Variants in MTREX observed in about 807,000 individuals in gnomAD.
MTREX encodes the protein exosome RNA helicase MTR4.
Under a neutral mutation model 135.4 loss-of-function variants are expected in MTREX, and 76 were observed. That is an observed-to-expected ratio of 0.56 (90% CI 0.47 to 0.68). MTREX has a LOEUF of 0.68. MTREX is among the 30% of genes least tolerant of loss of function. The probability of loss-of-function intolerance (pLI) is 0.00; values close to 1 mark genes in which losing one functional copy is unlikely to be tolerated. For synonymous variants in MTREX, 404 were observed against 401.6 expected (o/e 1.01, Z -0.07); for missense variants, 920 against 1,262.1 (o/e 0.73, Z 4.11).
intron 11 of MTREX, among the ~76,000 whole-genome samples, chr5:55,347,731 T>C (rs572783288): frequency 1.1e-4 from 17 of 152,344 alleles, no homozygotes; most frequent in African/African-American, 3.8e-4. Flanking sequence ...CTGAGACTAG[T>C]GCATTTTCAC....
intron 15 of MTREX, among the ~76,000 whole-genome samples, chr5:55,360,799 C>G (rs1749994906): frequency 6.6e-6 from 1 of 152,084 alleles, no homozygotes; most frequent in African/African-American, 2.4e-5. Context: ...GGTGGTTTTA[C>G]TATCATTAAG....
intron 18 of MTREX, among the ~76,000 whole-genome samples, chr5:55,384,649 CTGT>C (rs1750450033): frequency 6.6e-6 from 1 of 152,186 alleles, no homozygotes; most frequent in Non-Finnish European, 1.5e-5. Flanking sequence ...TTGCAGGCCA[CTGT>C]TGTTATTTCC....
At chr5:55,399,941 A>G (rs1750698525) in intron 20 of MTREX, among the ~76,000 whole-genome samples, 1 of 152,248 alleles carries the variant, frequency 6.6e-6, no homozygotes. Context: ...AATATACAAT[A>G]ATGAATTTAG....
At position 55,425,303 on chromosome 5, in the gene MTREX, C is replaced by T. The variant is rs1215255255; in HGVS notation, c.*531C>T. The T allele has an allele frequency of 3.1e-6, 5 of 1,607,532 alleles. No individual in the cohort carries two copies. The African/African-American group carries it at 6.7e-5, about 22-fold the overall frequency. On this transcript the variant is annotated 3_prime_UTR_variant, in exon 27 of 27. Coordinates refer to ENST00000230640, the MANE Select transcript of MTREX (RefSeq NM_015360.5). ...CTCTTTTCTTTCTTTAAAAGAAGTT[C>T]TTTCTTTGAAGAAATCCGATACATA...
At chr5:55,402,235 A>T (rs1175094001) in intron 21 of MTREX, among the ~76,000 whole-genome samples, 1 of 152,218 alleles carries the variant, frequency 6.6e-6, no homozygotes, top group Non-Finnish European at 1.5e-5. Context: ...AAGTGCTGCT[A>T]GGCAGGAAGC....
Position 55,328,790 on chromosome 5 carries a change from C to CG in MTREX, c.497dup (p.Thr168AsnfsTer25), listed in dbSNP as rs1248850863. The stretch of plus-strand genomic sequence containing the variant: ...GTTCTAGTATCTGCACATACCTCAG[C>CG]GGGAAAAACAGTATGCGCCGAGTGA... On this transcript the variant is annotated frameshift_variant, in exon 5 of 27. Coordinates refer to ENST00000230640, the MANE Select transcript of MTREX (RefSeq NM_015360.5). LOFTEE classifies it high-confidence loss of function. 1.2e-6 allele frequency: 2 copies of CG among 1,607,470 alleles called. No individual in the cohort carries two copies. The highest frequency in any genetic ancestry group is 8.5e-7 in the Non-Finnish European group (1 of 1,175,032).
chr5:55,381,370 A>G (rs1750394319), intron 18 of MTREX, among the ~76,000 whole-genome samples: 1 of 152,298 alleles, frequency 6.6e-6, no homozygotes, highest in Non-Finnish European at 1.5e-5. Flanking sequence ...TTCTTTTTAA[A>G]TAGAGCTTTT....
chr5:55,420,224 T>A (rs1399007738), intron 25 of MTREX, among the ~76,000 whole-genome samples: 1 of 151,962 alleles, frequency 6.6e-6, no homozygotes, highest in African/African-American at 2.4e-5. Context: ...TGGATAGGAG[T>A]ATTAAATTCG....
At chr5:55,346,545 G>A (rs1749736143) in intron 10 of MTREX, among the ~76,000 whole-genome samples, 1 of 152,128 alleles carries the variant, frequency 6.6e-6, no homozygotes, top group Non-Finnish European at 1.5e-5. Flanking sequence ...AATGTGAAGT[G>A]GTATCTTAAT....
chr5:55,425,009 TTAA>T lies in MTREX; in HGVS notation c.*239_*241del, dbSNP rs1453419420. ...TTTTGGTGGAAGGCTTGGAGTTTTT[TTAA>T]TGAGTTTAGAGCTATTAGATAACCA... On this transcript the variant is annotated 3_prime_UTR_variant, in exon 27 of 27. Transcript: ENST00000230640. 1.3e-6 allele frequency: 1 copy of T among 775,310 alleles called. No homozygotes were observed. The highest frequency in any genetic ancestry group is 2.0e-6 in the Non-Finnish European group (1 of 496,030). The allele number at this position is 775,310 out of a possible 1,614,324, so 48.0% of individuals were successfully genotyped here. A position where few individuals can be genotyped will look rare whatever the true frequency, so the allele number is the denominator to read the frequency against.
chr5:55,351,121 T>C, intron 13 of MTREX, 92 bp downstream of exon 13: 1 of 1,364,316 alleles, frequency 7.3e-7, no homozygotes. Context: ...AATATGTGTG[T>C]TTTTAACAAG....
chr5:55,372,080 C>T (rs932025799), intron 16 of MTREX, among the ~76,000 whole-genome samples: 1 of 152,072 alleles, frequency 6.6e-6, no homozygotes, highest in African/African-American at 2.4e-5. Context: ...CCCCTGATTC[C>T]TACAAATAGA....
chr5:55,374,008 AG>A (rs1302684054), intron 16 of MTREX, among the ~76,000 whole-genome samples: 2 of 152,118 alleles, frequency 1.3e-5, no homozygotes, highest in Non-Finnish European at 2.9e-5. Context: ...CATGCCTGCC[AG>A]AACTTTGGGA....
intron 20 of MTREX, 130 bp from the exon 21 acceptor site, chr5:55,400,103 A>C: frequency 1.6e-6 from 1 of 617,900 alleles, no homozygotes; most frequent in Non-Finnish European, 2.6e-6. Flanking sequence ...TTAAATTGGC[A>C]AAAGACAAAA....
rs1749795969 is a variant in MTREX, at chr5:55,349,634, A to G, written c.1302A>G (p.Glu434=). The change falls in exon 12 of 27, where the codon GAA becomes GAG. Residue 434 remains glutamate (E), a synonymous_variant. Transcript: ENST00000230640. ...ATGCAATTGATTGCTTATCCGATGA[A>G]GATAAAAAACTCCCTCAGGTGAGTT... ...FSNAIDCLSD[E]DKKLPQVEHV... is the part of the protein sequence containing the mutation. The G allele has an allele frequency of 1.3e-6, 2 of 1,597,856 alleles. No individual in the cohort carries two copies. The highest frequency in any genetic ancestry group is 4.5e-5 in the East Asian group (2 of 44,744).
At chr5:55,391,527 T>C (rs1270873317) in intron 19 of MTREX, among the ~76,000 whole-genome samples, 3 of 152,110 alleles carry the variant, frequency 2.0e-5, no homozygotes, top group African/African-American at 4.8e-5. Context: ...AAATAACATC[T>C]TCACATATGT....
At chr5:55,318,080 A>T (rs1213153239) in intron 1 of MTREX, among the ~76,000 whole-genome samples, 1 of 152,226 alleles carries the variant, frequency 6.6e-6, no homozygotes, top group Non-Finnish European at 1.5e-5. Flanking sequence ...ATACCATCTA[A>T]CACCAGTCAG....
In MTREX at chr5:55,424,776, C is replaced by A; in HGVS notation, c.*4C>A. The stretch of plus-strand genomic sequence containing the variant: ...TGCTGCCAGCCTCTACTTGTAGAGT[C>A]AGCTAAAGGAATGTGAGATTTTAAA... On this transcript the variant is annotated 3_prime_UTR_variant, in exon 27 of 27. Transcript: ENST00000230640. The A allele has an allele frequency of 1.2e-6, 2 of 1,604,608 alleles. No homozygotes were observed. The highest frequency in any genetic ancestry group is 2.2e-5 in the South Asian group (2 of 90,758).
At chr5:55,406,733 A>G (rs1439347538) in intron 22 of MTREX, among the ~76,000 whole-genome samples, 2 of 152,204 alleles carry the variant, frequency 1.3e-5, no homozygotes, top group Non-Finnish European at 2.9e-5. Context: ...GCTTAGACAA[A>G]GGAACTGAAT....
Sources: allele counts gnomAD v4.1 joint callset (sites outside exome capture counted in the v4.1 genomes callset), GRCh38; gene constraint gnomAD v4.1.1; transcripts MANE v1.5; gene names NCBI Gene and HGNC (gene_info 2026-07-23, HGNC 2026-07-21).